The following MAD1L1 variants were observed in gnomAD, a reference collection of about 807,000 sequenced individuals.
MAD1L1 encodes mitotic arrest deficient 1 like 1.
In MAD1L1, 95 loss-of-function variants were observed where a neutral mutation model predicts 96.9. That is an observed-to-expected ratio of 0.98 (90% CI 0.83 to 1.16). MAD1L1 has a LOEUF of 1.16. Ranked by LOEUF, MAD1L1 falls within the 50% of genes most tolerant of loss-of-function variation. The pLI, the probability that MAD1L1 is intolerant of heterozygous loss-of-function variation, is 0.00. For synonymous variants in MAD1L1, 473 were observed against 396.6 expected (o/e 1.19, Z -2.29); for missense variants, 1,007 against 954.4 (o/e 1.06, Z -0.73).
At chr7:2,216,594 C>T (rs564366367) in intron 7 of MAD1L1, among the ~76,000 whole-genome samples, 2 of 152,240 alleles carry the variant, frequency 1.3e-5, no homozygotes, top group East Asian at 3.9e-4. Flanking sequence ...AAGAGTGACC[C>T]TCGCATGACC....
At chr7:2,032,127 G>T (rs1273556625) in intron 12 of MAD1L1, among the ~76,000 whole-genome samples, 1 of 152,220 alleles carries the variant, frequency 6.6e-6, no homozygotes, top group East Asian at 1.9e-4. Context: ...TCAGCTCCCT[G>T]ACCCCTCATT....
intron 3 of MAD1L1, among the ~76,000 whole-genome samples, chr7:2,229,549 T>G (rs1794087218): frequency 6.6e-6 from 1 of 152,242 alleles, no homozygotes; most frequent in Admixed American, 6.5e-5. Flanking sequence ...ACCCAGTCCT[T>G]CTGCTCACTG....
intron 11 of MAD1L1, among the ~76,000 whole-genome samples, chr7:2,092,675 A>C (rs1395294190): frequency 3.9e-5 from 6 of 152,182 alleles, no homozygotes; most frequent in Non-Finnish European, 8.8e-5. Flanking sequence ...AGAAGGCCTT[A>C]TATATTCTGG....
chr7:2,002,465 G>A (rs993230470), intron 13 of MAD1L1, among the ~76,000 whole-genome samples: 14 of 152,198 alleles, frequency 9.2e-5, no homozygotes, highest in African/African-American at 7.2e-5. Flanking sequence ...GGGGAGAGAC[G>A]GAGGGAAAGG....
intron 13 of MAD1L1, among the ~76,000 whole-genome samples, chr7:2,011,822 CACAG>C (rs72377591): frequency 0.045 from 6,849 of 152,240 alleles, 257 homozygotes; most frequent in African/African-American, 0.095. Flanking sequence ...TCTCCATCAA[CACAG>C]ACAGGCCAGT....
intron 18 of MAD1L1, among the ~76,000 whole-genome samples, chr7:1,827,187 G>A (rs1425222070): frequency 1.3e-5 from 2 of 152,236 alleles, no homozygotes; most frequent in African/African-American, 4.8e-5. Flanking sequence ...TGAGTTAGAG[G>A]AGGTGGCGGG....
At chr7:2,076,432 A>C (rs557488352) in intron 11 of MAD1L1, among the ~76,000 whole-genome samples, 1 of 152,168 alleles carries the variant, frequency 6.6e-6, no homozygotes, top group Non-Finnish European at 1.5e-5. Flanking sequence ...CCCTCCTCAG[A>C]CCCGGCACTG....
At chr7:1,863,384 C>T (rs1052933537) in intron 18 of MAD1L1, among the ~76,000 whole-genome samples, 10 of 152,300 alleles carry the variant, frequency 6.6e-5, no homozygotes, top group Admixed American at 3.9e-4. Context: ...CCGGGGCCAG[C>T]GGCACGGCCG....
In MAD1L1 at chr7:1,938,696, T is replaced by A. The variant is rs1184211835; in HGVS notation, c.1597-1799A>T. 2.6e-5 allele frequency among the ~76,000 whole-genome samples: 4 copies of A among 151,816 alleles called. No homozygotes were observed. The East Asian group carries it at 7.7e-4, about 29-fold the overall frequency. ...AAGACACCCAAAAAGCTGATAAACA[T>A]ATGAAAAGGTGCACACACATGGGCC... On this transcript the variant is annotated intron_variant, in intron 16 of 18. Transcript: ENST00000265854.
chr7:1,928,637 A>T (rs1293706248), intron 17 of MAD1L1, among the ~76,000 whole-genome samples: 1 of 152,176 alleles, frequency 6.6e-6, no homozygotes, highest in Admixed American at 6.5e-5. Flanking sequence ...ACAGGGCTGG[A>T]GCCCCTGCAC....
At chr7:2,190,595 T>A (rs573772946) in intron 10 of MAD1L1, among the ~76,000 whole-genome samples, 1 of 152,176 alleles carries the variant, frequency 6.6e-6, no homozygotes, top group African/African-American at 2.4e-5. Flanking sequence ...TATATAGTAC[T>A]CTGCCAACTC....
At chr7:2,117,622 T>G (rs1787775347) in intron 11 of MAD1L1, among the ~76,000 whole-genome samples, 1 of 152,224 alleles carries the variant, frequency 6.6e-6, no homozygotes, top group African/African-American at 2.4e-5. Flanking sequence ...GCACTTCTCC[T>G]TCCTGTCACC....
intron 10 of MAD1L1, among the ~76,000 whole-genome samples, chr7:2,160,471 T>A (rs981865737): frequency 3.3e-5 from 5 of 151,716 alleles, no homozygotes; most frequent in African/African-American, 1.2e-4. Flanking sequence ...GGGCTGGGAC[T>A]ACAGGCGCCC....
intron 14 of MAD1L1, among the ~76,000 whole-genome samples, chr7:1,983,126 C>T (rs1024690215): frequency 1.4e-5 from 2 of 141,926 alleles, no homozygotes; most frequent in Non-Finnish European, 3.1e-5. Context: ...GCACACACAC[C>T]CACAGACGCG....
At chr7:1,967,113 A>C (rs1168611547) in intron 15 of MAD1L1, among the ~76,000 whole-genome samples, 1 of 152,182 alleles carries the variant, frequency 6.6e-6, no homozygotes, top group Non-Finnish European at 1.5e-5. Flanking sequence ...ATGTAGGTAG[A>C]GGGACAGCAG....
chr7:1,981,062 GTTCAAGTGA>G (rs1004208414), intron 14 of MAD1L1, among the ~76,000 whole-genome samples: 4 of 152,200 alleles, frequency 2.6e-5, no homozygotes, highest in Admixed American at 2.6e-4. Context: ...CACCTCGCAG[GTTCAAGTGA>G]TTCTTCTGCC....
intron 18 of MAD1L1, among the ~76,000 whole-genome samples, chr7:1,889,145 A>C (rs1786378302): frequency 6.6e-6 from 1 of 152,220 alleles, no homozygotes; most frequent in South Asian, 2.1e-4. Context: ...ATAAAGGAAG[A>C]CAAGGCTTGA....
chr7:1,907,328 C>T (rs1346292654), intron 17 of MAD1L1, among the ~76,000 whole-genome samples: 1 of 152,244 alleles, frequency 6.6e-6, no homozygotes, highest in African/African-American at 2.4e-5. Context: ...CAGCAACTCT[C>T]GATTTAGGGA....
At chr7:2,031,755 C>T (rs907099708) in intron 12 of MAD1L1, among the ~76,000 whole-genome samples, 6 of 152,200 alleles carry the variant, frequency 3.9e-5, no homozygotes, top group Non-Finnish European at 8.8e-5. Flanking sequence ...CTGACCCACG[C>T]GGATATGGGG....
Sources: gnomAD v4.1 joint callset for allele counts (sites outside exome capture counted in the v4.1 genomes callset) on GRCh38, gnomAD v4.1.1 for gene constraint, MANE v1.5 for transcripts, NCBI Gene and HGNC (gene_info 2026-07-23, HGNC 2026-07-21) for gene names.